Variants in CDK14 observed in about 807,000 individuals in gnomAD.
CDK14 encodes cyclin dependent kinase 14.
A neutral mutation model predicts 60.7 loss-of-function variants in CDK14; 34 were observed. The observed-to-expected ratio is 0.56, with a 90% CI of 0.43 to 0.75. The LOEUF (loss-of-function observed/expected upper bound fraction) is 0.75. CDK14 is among the 30% of genes least tolerant of loss of function. The pLI, the probability that CDK14 is intolerant of heterozygous loss-of-function variation, is 0.00. For missense variants in CDK14, 482 were observed against 564.1 expected (o/e 0.85, Z 1.47); for synonymous variants, 197 against 203.7 (o/e 0.97, Z 0.28).
chr7:90,788,958 T>C lies in CDK14; in HGVS notation c.465-1615T>C, dbSNP rs60334874. ...AGAGGCAGGGGAGCTCTATTTGGTATAGGAAAGGATACCAAATATTTATAT... is the reference window on the plus strand; with the variant it reads ...AGAGGCAGGGGAGCTCTATTTGGTACAGGAAAGGATACCAAATATTTATAT... On this transcript the variant is annotated intron_variant, in intron 4 of 14. Transcript: ENST00000380050. 2.0e-5 allele frequency among the ~76,000 whole-genome samples: 3 copies of C among 152,208 alleles called. No homozygotes were observed. The East Asian group carries it at 5.8e-4, about 29-fold the overall frequency.
intron 12 of CDK14, among the ~76,000 whole-genome samples, chr7:91,103,243 A>G (rs1393064042): frequency 6.6e-6 from 1 of 151,346 alleles, no homozygotes; most frequent in East Asian, 1.9e-4. Context: ...GCAGAGCAAT[A>G]CTCTGTCAAA....
intron 2 of CDK14, among the ~76,000 whole-genome samples, chr7:90,609,952 T>C (rs1455176253): frequency 6.6e-6 from 1 of 152,240 alleles, no homozygotes; most frequent in Non-Finnish European, 1.5e-5. Flanking sequence ...ATACCTGCTT[T>C]ACCCTTATTT....
chr7:90,797,110 C>T (rs1044222091), intron 5 of CDK14, among the ~76,000 whole-genome samples: 1 of 151,658 alleles, frequency 6.6e-6, no homozygotes, highest in Non-Finnish European at 1.5e-5. Context: ...TAAGATAAGC[C>T]ACCTCAATTA....
chr7:90,834,991 G>A (rs1362848229), intron 5 of CDK14, among the ~76,000 whole-genome samples: 5 of 152,192 alleles, frequency 3.3e-5, no homozygotes, highest in African/African-American at 4.8e-5. Flanking sequence ...TTCAGTGAAT[G>A]TAGACAGAAA....
chr7:90,945,752 A>T (rs1794081708), intron 8 of CDK14, among the ~76,000 whole-genome samples: 1 of 152,226 alleles, frequency 6.6e-6, no homozygotes, highest in African/African-American at 2.4e-5. Context: ...AGGGTGAAGG[A>T]GAGTCAAGAA....
intron 2 of CDK14, among the ~76,000 whole-genome samples, chr7:90,687,470 T>C (rs1280200665): frequency 6.6e-6 from 1 of 152,120 alleles, no homozygotes; most frequent in Non-Finnish European, 1.5e-5. Flanking sequence ...TTTGGTTTGA[T>C]AGAAGATGGA....
chr7:91,144,083 T>C (rs181341038), intron 14 of CDK14, among the ~76,000 whole-genome samples: 58 of 152,246 alleles, frequency 3.8e-4, no homozygotes, highest in Non-Finnish European at 2.2e-4. Context: ...TTTGGCTACC[T>C]CTAAGGATAA....
intron 2 of CDK14, chr7:90,726,189 C>G (rs1365888629): frequency 3.3e-6 from 1 of 307,004 alleles, no homozygotes; most frequent in East Asian, 1.7e-4. Flanking sequence ...TCTGATTTGC[C>G]TATTTTTTGT....
In CDK14 at chr7:91,118,193, T is replaced by C. The variant is rs928141077; in HGVS notation, c.*13T>C. The C allele has an allele frequency of 1.9e-5, 29 of 1,508,888 alleles. No individual in the cohort carries two copies. The highest frequency in any genetic ancestry group is 9.6e-5 in the African/African-American group (7 of 72,958). 93.5% of individuals were successfully genotyped at this position (1,508,888 alleles called of 1,614,324 possible). ...CAGCAAGCACTGACAAGCAGCACAT[T>C]CTCAAGAGCACACAGGTAAGAGGAC... On this transcript the variant is annotated 3_prime_UTR_variant, in exon 14 of 15. Transcript: ENST00000380050.
chr7:90,796,696 T>G (rs983363495), intron 5 of CDK14, among the ~76,000 whole-genome samples: 3 of 152,088 alleles, frequency 2.0e-5, no homozygotes, highest in African/African-American at 7.3e-5. Flanking sequence ...TTGTTAGATT[T>G]CAACAGGGTC....
chr7:90,644,949 A>C (rs186128614), intron 2 of CDK14, among the ~76,000 whole-genome samples: 23 of 152,366 alleles, frequency 1.5e-4, no homozygotes, highest in Admixed American at 5.2e-4. Context: ...CAAAACCTTA[A>C]GGTAGATGGT....
At chr7:90,625,714 C>A (rs1281124875) in intron 2 of CDK14, among the ~76,000 whole-genome samples, 1 of 152,214 alleles carries the variant, frequency 6.6e-6, no homozygotes. Context: ...CACCCATCCC[C>A]CAGCATGCTA....
chr7:91,061,454 C>G (rs1004661038), intron 11 of CDK14, among the ~76,000 whole-genome samples: 1 of 152,196 alleles, frequency 6.6e-6, no homozygotes, highest in African/African-American at 2.4e-5. Flanking sequence ...GAACTGCGTT[C>G]CTTTGGAGGA....
intron 8 of CDK14, among the ~76,000 whole-genome samples, chr7:90,941,763 C>T (rs984442640): frequency 1.5e-4 from 23 of 152,214 alleles, no homozygotes; most frequent in African/African-American, 3.6e-4. Flanking sequence ...ATGGGCCCTG[C>T]GAGTTTGCAC....
chr7:91,029,707 C>T (rs904817984), intron 10 of CDK14, among the ~76,000 whole-genome samples: 7 of 148,780 alleles, frequency 4.7e-5, no homozygotes, highest in African/African-American at 1.7e-4. Flanking sequence ...TCAGCTTGGT[C>T]ATTATTGGTG....
At chr7:90,646,644 C>G (rs1233664264) in intron 2 of CDK14, among the ~76,000 whole-genome samples, 1 of 152,124 alleles carries the variant, frequency 6.6e-6, no homozygotes, top group Non-Finnish European at 1.5e-5. Context: ...CTATGGGTCT[C>G]TTCCCCACCT....
intron 12 of CDK14, among the ~76,000 whole-genome samples, chr7:91,103,952 T>C (rs1256750945): frequency 6.6e-6 from 1 of 152,156 alleles, no homozygotes; most frequent in Non-Finnish European, 1.5e-5. Context: ...TTCAACTGTA[T>C]TAAAAGCACT....
chr7:90,782,399 AC>A (rs1161623872), intron 4 of CDK14, among the ~76,000 whole-genome samples: 1 of 152,074 alleles, frequency 6.6e-6, no homozygotes, highest in Non-Finnish European at 1.5e-5. Flanking sequence ...CTAATTGAAT[AC>A]CCTTTATTTC....
In CDK14 at chr7:91,209,820, C is replaced by CA. The variant is rs1285803680; in HGVS notation, c.*2685dup. 6.6e-6 allele frequency: 1 copy of CA among 152,464 alleles called. No individual in the cohort carries two copies. The highest frequency in any genetic ancestry group is 1.5e-5 in the Non-Finnish European group (1 of 68,002). 9.4% of individuals were successfully genotyped at this position (152,464 alleles called of 1,614,324 possible). On this transcript the variant is annotated 3_prime_UTR_variant, in exon 15 of 15. Transcript: ENST00000380050. ...TCAGCAAAAAATAGGGTACATAAAG[C>CA]AGGGTGGCTGTCCATCCACTGATTC...
Sources: allele counts gnomAD v4.1 joint callset (sites outside exome capture counted in the v4.1 genomes callset), GRCh38; gene constraint gnomAD v4.1.1; transcripts MANE v1.5; gene names NCBI Gene and HGNC (gene_info 2026-07-23, HGNC 2026-07-21).